MBNL2: variants seen among roughly 807,000 people sequenced by gnomAD.
The protein encoded by MBNL2 is muscleblind like splicing regulator 2.
A neutral mutation model predicts 41.9 loss-of-function variants in MBNL2; 17 were observed. The ratio of observed to expected loss-of-function variants is 0.41; its 90% CI spans 0.28 to 0.61. The LOEUF (loss-of-function observed/expected upper bound fraction) is 0.61, where lower values mean the gene tolerates loss of function less well. MBNL2 is among the 20% of genes least tolerant of loss of function. The pLI is 0.35. For synonymous variants in MBNL2, 195 were observed against 182.9 expected (o/e 1.07, Z -0.53); for missense variants, 336 against 505.6 (o/e 0.66, Z 3.22).
At chr13:97,260,608 G>T (rs995469149) in intron 1 of MBNL2, among the ~76,000 whole-genome samples, 3 of 152,194 alleles carry the variant, frequency 2.0e-5, no homozygotes, top group African/African-American at 4.8e-5. Context: ...GGATCCAGAG[G>T]CATCTGCCAT....
intron 8 of MBNL2, among the ~76,000 whole-genome samples, chr13:97,367,488 A>C (rs1207096517): frequency 1.3e-5 from 2 of 152,184 alleles, no homozygotes; most frequent in Non-Finnish European, 2.9e-5. Flanking sequence ...ATGACAAGGG[A>C]TAAAAGAAAT....
At chr13:97,343,262 T>C in intron 4 of MBNL2, 46 bp downstream of exon 4, 1 of 1,364,200 alleles carries the variant, frequency 7.3e-7, no homozygotes, top group Non-Finnish European at 1.0e-6. Context: ...GTGGTAGAAA[T>C]ATACTTCTGT....
intron 2 of MBNL2, among the ~76,000 whole-genome samples, chr13:97,281,060 ATGTC>A (rs1290650194): frequency 1.3e-5 from 2 of 152,170 alleles, no homozygotes; most frequent in African/African-American, 4.8e-5. Flanking sequence ...GATAGGGACT[ATGTC>A]TGTTGTGATC....
rs529897338 is a variant in MBNL2 at position 97,319,585 on chromosome 13, A to T, written c.175-14691A>T. 2.2e-4 allele frequency among the ~76,000 whole-genome samples: 34 copies of T among 152,310 alleles called. No homozygotes were observed. In the South Asian group the frequency reaches 6.8e-3, roughly 31 times the overall value. ...GCCAATGCACATCTATCTAGCTTGT[A>T]AAAGCAACTCCAAATTAATTGCTGG... On this transcript the variant is annotated intron_variant, in intron 2 of 8. Transcript: ENST00000679496.
intron 8 of MBNL2, 136 bp from the exon 9 acceptor site, chr13:97,391,186 T>C (rs962764840): frequency 3.3e-6 from 2 of 602,652 alleles, no homozygotes; most frequent in East Asian, 5.6e-5. Flanking sequence ...TGTGCAAATT[T>C]ATAATTGCAT....
At chr13:97,338,348 T>C (rs2061069150) in intron 3 of MBNL2, among the ~76,000 whole-genome samples, 1 of 152,208 alleles carries the variant, frequency 6.6e-6, no homozygotes, top group Admixed American at 6.5e-5. Flanking sequence ...CAGCATTCTC[T>C]ACCAGCGAGC....
chr13:97,204,726 G>A, the MBNL2 span, among the ~76,000 whole-genome samples: 1 of 151,988 alleles, frequency 6.6e-6, no homozygotes, highest in East Asian at 1.9e-4. Flanking sequence ...ATCCATTTTG[G>A]CCTCACTCTG....
At chr13:97,159,410 G>T in the MBNL2 span, among the ~76,000 whole-genome samples, 283 of 151,588 alleles carry the variant, frequency 1.9e-3, no homozygotes, top group Non-Finnish European at 2.8e-3. Context: ...AAAGTTAATA[G>T]TGTTATGTGT....
At chr13:97,146,152 G>A in the MBNL2 span, among the ~76,000 whole-genome samples, 74 of 137,156 alleles carry the variant, frequency 5.4e-4, no homozygotes, top group African/African-American at 2.2e-3. Context: ...CACTACAACC[G>A]GCTAATTTTT....
the MBNL2 span, among the ~76,000 whole-genome samples, chr13:97,204,434 G>A: frequency 6.6e-6 from 1 of 152,106 alleles, no homozygotes; most frequent in Non-Finnish European, 1.5e-5. Flanking sequence ...ACATTCAAAA[G>A]AAGACAATTT....
intron 2 of MBNL2, among the ~76,000 whole-genome samples, chr13:97,294,242 C>T (rs554394839): frequency 2.6e-5 from 4 of 152,072 alleles, no homozygotes; most frequent in African/African-American, 9.7e-5. Context: ...TTCCAAAACC[C>T]CTCACCAATT....
At chr13:97,240,009 A>C (rs1217366410) in intron 1 of MBNL2, among the ~76,000 whole-genome samples, 1 of 152,202 alleles carries the variant, frequency 6.6e-6, no homozygotes, top group Non-Finnish European at 1.5e-5. Flanking sequence ...TACCCATTTC[A>C]AAAGCTCTCC....
At position 97,346,722 on chromosome 13, in the gene MBNL2, G is replaced by C; in HGVS notation, c.541-82G>C. On this transcript the variant is annotated intron_variant, in intron 4 of 8. Transcript: ENST00000679496. The surrounding 1 kb of genome is among the most constrained non-coding windows in gnomAD (Gnocchi z 4.2). The stretch of plus-strand genomic sequence containing the variant: ...CACCATTGAAAGCGAGGCAGCCTCC[G>C]CTCCTCCCGCGGTGGCCGGGGCCGC... 1 of 1,193,086 alleles carries C rather than the reference G, an allele frequency of 8.4e-7. No homozygotes were observed. Among genetic ancestry groups the C allele is most frequent in the South Asian group, 1.4e-5 (1 of 70,290 alleles). The allele number at this position is 1,193,086 out of a possible 1,614,324, so 73.9% of individuals were successfully genotyped here.
intron 8 of MBNL2, among the ~76,000 whole-genome samples, chr13:97,374,063 A>ATTTTGTTTTT (rs2064690563): frequency 3.2e-5 from 2 of 63,128 alleles, no homozygotes; most frequent in Non-Finnish European, 6.2e-5. Context: ...CCTCCTTTGC[A>ATTTTGTTTTT]TTTTTTTTTT....
At position 97,343,274 on chromosome 13, in the gene MBNL2, T is replaced by A. The variant is rs1594239098; in HGVS notation, c.540+58T>A. 8 of 1,243,294 alleles carry A rather than the reference T, an allele frequency of 6.4e-6. No homozygotes were observed. The East Asian group carries it at 1.9e-4, about 29-fold the overall frequency. The allele number at this position is 1,243,294 out of a possible 1,614,324, so 77.0% of individuals were successfully genotyped here. A position where few individuals can be genotyped will look rare whatever the true frequency, so the allele number is the denominator to read the frequency against. On this transcript the variant is annotated intron_variant, in intron 4 of 8. Transcript: ENST00000679496. ...TTTGTGGTAGAAATATACTTCTGTG[T>A]AAGTGATTGCTTGTAAGATATTAAT...
intron 1 of MBNL2, among the ~76,000 whole-genome samples, chr13:97,266,537 T>G (rs931394109): frequency 4.6e-5 from 7 of 152,166 alleles, no homozygotes; most frequent in Non-Finnish European, 8.8e-5. Flanking sequence ...GCCCCAGTCC[T>G]TCAGCTGGCA....
intron 1 of MBNL2, among the ~76,000 whole-genome samples, chr13:97,259,190 G>C (rs2048125472): frequency 6.6e-6 from 1 of 152,124 alleles, no homozygotes; most frequent in Admixed American, 6.5e-5. Context: ...CAGGACCGCA[G>C]TATCTCCCAC....
chr13:97,298,064 C>T (rs754463917), intron 2 of MBNL2, among the ~76,000 whole-genome samples: 2 of 152,050 alleles, frequency 1.3e-5, no homozygotes, highest in Non-Finnish European at 2.9e-5. Context: ...CTTTCTCGGA[C>T]CTCTTCAGTA....
the MBNL2 span, among the ~76,000 whole-genome samples, chr13:97,159,348 C>A: frequency 1.3e-5 from 2 of 151,848 alleles, no homozygotes; most frequent in Non-Finnish European, 2.9e-5. Flanking sequence ...GACTCTTTAT[C>A]CAGTTTGCCA....
Sources: allele counts gnomAD v4.1 joint callset (sites outside exome capture counted in the v4.1 genomes callset), GRCh38; gene constraint gnomAD v4.1.1; non-coding constraint Gnocchi (gnomAD v3.1); transcripts MANE v1.5; gene names NCBI Gene and HGNC (gene_info 2026-07-23, HGNC 2026-07-21).